Variants in CRTAC1 observed in about 807,000 individuals in gnomAD.
CRTAC1 encodes the protein acidic secreted protein in cartilage.
Under a neutral mutation model 67.8 loss-of-function variants are expected in CRTAC1, and 37 were observed. The ratio of observed to expected loss-of-function variants is 0.55; its 90% CI spans 0.42 to 0.72. The LOEUF (loss-of-function observed/expected upper bound fraction) is 0.72, where lower values mean the gene tolerates loss of function less well. Among genes scored for constraint, CRTAC1 ranks in the 30% least tolerant of loss-of-function variants. CRTAC1 has a pLI of 0.00. For missense variants in CRTAC1, 780 were observed against 931.6 expected (o/e 0.84, Z 2.12); for synonymous variants, 348 against 371.0 (o/e 0.94, Z 0.71).
chr10:98,030,101 GC>G lies in CRTAC1; in HGVS notation c.24+347del, dbSNP rs1843336436. On this transcript the variant is annotated intron_variant, in intron 1 of 14. Transcript: ENST00000370597. This position sits in a 1 kb window ranked among gnomAD's most constrained non-coding sequence, Gnocchi z 4.2. ...CGGCACATCCCTCCTCACCCGCTCC[GC>G]CCCCTCCAGGCCCCAGAGGCCCCCT... is the stretch of plus-strand genomic sequence containing the variant. Among the ~76,000 whole-genome samples the G allele has an allele frequency of 6.6e-6, 1 of 151,730 alleles. No individual in the cohort carries two copies. Among genetic ancestry groups the G allele is most frequent in the South Asian group, 2.1e-4 (1 of 4,804 alleles).
chr10:97,912,300 G>C (rs1166710664), intron 5 of CRTAC1, among the ~76,000 whole-genome samples: 1 of 152,104 alleles, frequency 6.6e-6, no homozygotes, highest in Non-Finnish European at 1.5e-5. Flanking sequence ...CTGCTGTTGG[G>C]GTGTGACTGC....
chr10:97,998,510 GAAT>G, intron 2 of CRTAC1, among the ~76,000 whole-genome samples: 1 of 152,232 alleles, frequency 6.6e-6, no homozygotes, highest in African/African-American at 2.4e-5. Context: ...TTACACCATG[GAAT>G]AATAGCCATC....
intron 2 of CRTAC1, among the ~76,000 whole-genome samples, chr10:97,993,924 T>C (rs1468826688): frequency 6.6e-6 from 1 of 152,164 alleles, no homozygotes; most frequent in Non-Finnish European, 1.5e-5. Context: ...TGGTGTCATC[T>C]TGGCTCACTG....
At chr10:98,021,061 T>C (rs1357392174) in intron 1 of CRTAC1, among the ~76,000 whole-genome samples, 1 of 152,196 alleles carries the variant, frequency 6.6e-6, no homozygotes, top group African/African-American at 2.4e-5. Context: ...GTGCACCTAC[T>C]CTATGTCAGG....
intron 2 of CRTAC1, among the ~76,000 whole-genome samples, chr10:97,946,788 G>C (rs1406193919): frequency 3.9e-5 from 6 of 152,074 alleles, no homozygotes; most frequent in African/African-American, 1.4e-4. Context: ...CATCTCAAGG[G>C]CCCCCTATTC....
At chr10:97,883,743 G>A (rs2050245073) in intron 12 of CRTAC1, among the ~76,000 whole-genome samples, 1 of 152,230 alleles carries the variant, frequency 6.6e-6, no homozygotes, top group Admixed American at 6.5e-5. Context: ...CGACACTGCT[G>A]AGATGGGTCC....
Position 97,895,374 on chromosome 10 carries a change from G to T in CRTAC1, c.1357C>A (p.Arg453=). The T allele has an allele frequency of 6.2e-7, 1 of 1,612,524 alleles. No individual in the cohort carries two copies. The highest frequency in any genetic ancestry group is 8.5e-7 in the Non-Finnish European group (1 of 1,179,488). The change falls in exon 11 of 15, where the codon CGG becomes AGG. Residue 453 remains arginine (R), a synonymous_variant. Coordinates refer to ENST00000370597, the MANE Select transcript of CRTAC1 (RefSeq NM_018058.7). The surrounding 1 kb of genome is among the most constrained non-coding windows in gnomAD (Gnocchi z 4.2). ...NNWLRVVPRT[R]FGAFARGAKV... ...GCTCCCCTGGCAAAGGCCCCAAACC[G>T]GGTGCGTGGCACCACTCGCAGCCAG...
At chr10:97,910,327 T>TGGAC (rs1472725389) in intron 5 of CRTAC1, among the ~76,000 whole-genome samples, 1 of 152,210 alleles carries the variant, frequency 6.6e-6, no homozygotes, top group Non-Finnish European at 1.5e-5. Context: ...AAGGGCTCTG[T>TGGAC]GGACGCTGCA....
intron 6 of CRTAC1, among the ~76,000 whole-genome samples, chr10:97,906,996 G>A (rs1351610606): frequency 2.0e-5 from 3 of 152,204 alleles, no homozygotes; most frequent in Non-Finnish European, 4.4e-5. Flanking sequence ...CTCCAAGAAG[G>A]AGGTGAAATC....
In CRTAC1 at chr10:97,865,411, C is replaced by T. The variant is rs538377935; in HGVS notation, c.*137G>A. ...CCTTACGAGTCTCCCTAATTGTTAG[C>T]TAAGTAATGTGCATGGATGGGCTTG... On this transcript the variant is annotated 3_prime_UTR_variant, in exon 15 of 15. Coordinates refer to ENST00000370597, the MANE Select transcript of CRTAC1 (RefSeq NM_018058.7). 3 of 1,053,924 alleles carry T rather than the reference C, an allele frequency of 2.8e-6. No homozygotes were observed. Among genetic ancestry groups the T allele is most frequent in the Non-Finnish European group, 4.0e-6 (3 of 748,666 alleles). 65.3% of individuals were successfully genotyped at this position (1,053,924 alleles called of 1,614,324 possible).
chr10:97,880,471 G>T, intron 13 of CRTAC1, 79 bp from the exon 14 acceptor site: 1 of 1,552,822 alleles, frequency 6.4e-7, no homozygotes, highest in Non-Finnish European at 8.8e-7. Flanking sequence ...CCTATACACT[G>T]TCTGGCTTTG....
chr10:98,021,442 A>C (rs192546222), intron 1 of CRTAC1, among the ~76,000 whole-genome samples: 5 of 152,300 alleles, frequency 3.3e-5, no homozygotes, highest in Admixed American at 2.0e-4. Flanking sequence ...TGGGCTAATG[A>C]AATGGTGTTT....
chr10:98,011,148 C>G lies in CRTAC1; in HGVS notation c.214G>C (p.Val72Leu). ...GTGGGAGGCACTTACCCCGCCACGA[C>G]GATCTCAAAGTCCCCATCATGGTCC... is the stretch of plus-strand genomic sequence containing the variant. ...DVDHDGDFEI[V>L]VAGYNGPNLV... Residue 72 changes from valine (V) to leucine (L), a missense_variant, in exon 2 of 15, where the codon GTC becomes CTC. Coordinates refer to ENST00000370597, the MANE Select transcript of CRTAC1 (RefSeq NM_018058.7). 1.2e-6 allele frequency: 2 copies of G among 1,614,106 alleles called. No homozygotes were observed. Among genetic ancestry groups the G allele is most frequent in the Non-Finnish European group, 1.7e-6 (2 of 1,179,954 alleles).
intron 2 of CRTAC1, among the ~76,000 whole-genome samples, chr10:98,008,928 A>C (rs1369351631): frequency 6.6e-6 from 1 of 152,122 alleles, no homozygotes; most frequent in African/African-American, 2.4e-5. Flanking sequence ...TCAGAGATGC[A>C]TCAAAGTCCT....
chr10:98,002,650 C>T (rs1022460350), intron 2 of CRTAC1, among the ~76,000 whole-genome samples: 70 of 152,144 alleles, frequency 4.6e-4, no homozygotes, highest in African/African-American at 1.6e-3. Context: ...TCCCTCTCTC[C>T]ACCTCCAGCC....
intron 2 of CRTAC1, among the ~76,000 whole-genome samples, chr10:97,974,961 T>C (rs2051774312): frequency 6.6e-6 from 1 of 150,780 alleles, no homozygotes; most frequent in African/African-American, 2.4e-5. Flanking sequence ...AGGGAGACGC[T>C]GGGGAGAAGG....
chr10:97,984,209 C>G (rs993180083), intron 2 of CRTAC1, among the ~76,000 whole-genome samples: 3 of 152,190 alleles, frequency 2.0e-5, no homozygotes, highest in African/African-American at 7.2e-5. Context: ...TTAAAACACT[C>G]TAGCTCTCAG....
chr10:97,992,792 G>A (rs182154995), intron 2 of CRTAC1, among the ~76,000 whole-genome samples: 76 of 152,332 alleles, frequency 5.0e-4, no homozygotes, highest in Non-Finnish European at 8.7e-4. Context: ...GGCTAGGAGT[G>A]AGGAAGGGAG....
intron 2 of CRTAC1, among the ~76,000 whole-genome samples, chr10:97,937,723 AG>A (rs1399783751): frequency 6.6e-6 from 1 of 152,158 alleles, no homozygotes; most frequent in Non-Finnish European, 1.5e-5. Flanking sequence ...GGTGTGCCCA[AG>A]GTCACACCCC....
Sources: gnomAD v4.1 joint callset for allele counts (sites outside exome capture counted in the v4.1 genomes callset) on GRCh38, gnomAD v4.1.1 for gene constraint, Gnocchi (gnomAD v3.1) non-coding constraint, MANE v1.5 for transcripts, NCBI Gene and HGNC (gene_info 2026-07-23, HGNC 2026-07-21) for gene names.